FAAH: variants seen among roughly 807,000 people sequenced by gnomAD.
FAAH encodes fatty acid amide hydrolase.
FAAH carries 63 observed loss-of-function variants against 69.7 expected under a neutral mutation model. The ratio of observed to expected loss-of-function variants is 0.90; its 90% CI spans 0.74 to 1.12. FAAH has a LOEUF of 1.12. Ranked by LOEUF, FAAH falls within the 50% of genes most tolerant of loss-of-function variation. The pLI is 0.00. For missense variants in FAAH, 680 were observed against 755.0 expected (o/e 0.90, Z 1.16); for synonymous variants, 305 against 324.2 (o/e 0.94, Z 0.64).
chr1:46,397,932 CTT>C (rs1047486835), intron 1 of FAAH, among the ~76,000 whole-genome samples: 10 of 118,016 alleles, frequency 8.5e-5, no homozygotes, highest in Admixed American at 2.6e-4. Flanking sequence ...GTCTTGAACT[CTT>C]TTTTTTTTTT....
chr1:46,394,588 C>G, intron 1 of FAAH, 45 bp downstream of exon 1: 1 of 1,279,992 alleles, frequency 7.8e-7, no homozygotes, highest in Non-Finnish European at 9.8e-7. Context: ...TGAGGGTACT[C>G]GCAGCGGCAC....
Position 46,413,631 on chromosome 1 carries a change from G to A in FAAH, c.*56G>A, listed in dbSNP as rs1180508143. 4 of 1,612,104 alleles carry A rather than the reference G, an allele frequency of 2.5e-6. No individual in the cohort carries two copies. Among genetic ancestry groups the A allele is most frequent in the Admixed American group, 1.7e-5 (1 of 59,938 alleles). On this transcript the variant is annotated 3_prime_UTR_variant, in exon 15 of 15. Coordinates refer to ENST00000243167, the MANE Select transcript of FAAH (RefSeq NM_001441.3). ...CACTCTCTGCAGCCCAGCCTAGTCA[G>A]GGCACAGCTGCCCTGCTGCCACAGC...
Position 46,405,655 on chromosome 1 carries a change from G to A in FAAH, c.646G>A (p.Gly216Ser). Residue 216 changes from glycine (G) to serine (S), a missense_variant, in exon 5 of 15, where the codon GGC becomes AGC. Physicochemically the swap from Gly to Ser is moderately conservative, Grantham distance 56 (BLOSUM62 0). Coordinates refer to ENST00000243167, the MANE Select transcript of FAAH (RefSeq NM_001441.3). The surrounding 1 kb of genome is among the most constrained non-coding windows in gnomAD (Gnocchi z 4.1). ...NPWKSSKSPG[G>S]SSGGEGALIG... ...ATGGAAGTCCTCCAAAAGCCCAGGG[G>A]GCTCCTCAGGGGGTGAAGGGGCCCT... 6.2e-7 allele frequency: 1 copy of A among 1,613,554 alleles called. No individual in the cohort carries two copies. The highest frequency in any genetic ancestry group is 8.5e-7 in the Non-Finnish European group (1 of 1,180,040).
chr1:46,407,609 G>C (rs6697851), intron 7 of FAAH, among the ~76,000 whole-genome samples: 73,069 of 148,918 alleles, frequency 0.49, 20,035 homozygotes, highest in Middle Eastern at 0.63. Context: ...CTCTCTCTCT[G>C]TCTCTGTGTG....
At position 46,405,366 on chromosome 1, in the gene FAAH, T is replaced by C; in HGVS notation, c.445-6T>C. 1 of 1,609,460 alleles carries C rather than the reference T, an allele frequency of 6.2e-7. No individual in the cohort carries two copies. Among genetic ancestry groups the C allele is most frequent in the Non-Finnish European group, 8.5e-7 (1 of 1,179,972 alleles). ...ACTCCCTTCTGGTGCCCATCCCTCC[T>C]CCCAGGGCCAGGACTCCACGCTGGG... On this transcript the variant is annotated splice_region_variant and splice_polypyrimidine_tract_variant and intron_variant, in intron 3 of 14. Coordinates refer to ENST00000243167, the MANE Select transcript of FAAH (RefSeq NM_001441.3). This position sits in a 1 kb window ranked among gnomAD's most constrained non-coding sequence, Gnocchi z 4.1.
chr1:46,406,586 T>TC (rs1293713247), intron 7 of FAAH, among the ~76,000 whole-genome samples: 5 of 143,090 alleles, frequency 3.5e-5, no homozygotes, highest in African/African-American at 1.3e-4. Context: ...TTTCTTTCTT[T>TC]TTTTTTTTTT....
At position 46,409,042 on chromosome 1, in the gene FAAH, A is replaced by G. The variant is rs1664851621; in HGVS notation, c.1078-59A>G. 31 of 1,415,824 alleles carry G rather than the reference A, an allele frequency of 2.2e-5. No homozygotes were observed. In the Middle Eastern group the frequency reaches 7.0e-4, roughly 32 times the overall value. 87.7% of individuals were successfully genotyped at this position (1,415,824 alleles called of 1,614,324 possible). A position where few individuals can be genotyped will look rare whatever the true frequency, so the allele number is the denominator to read the frequency against. ...CCATCCTCAGGGCCGCCCAGACAGC[A>G]TGGGGATCATGAAGCCAGTTGTTAG... On this transcript the variant is annotated intron_variant, in intron 8 of 14. Transcript: ENST00000243167.
intron 1 of FAAH, among the ~76,000 whole-genome samples, chr1:46,397,530 G>C (rs12044513): frequency 0.011 from 1,664 of 151,982 alleles, 35 homozygotes; most frequent in African/African-American, 0.038. Flanking sequence ...TAGGCTTTGC[G>C]GGGGAGTAGG....
At position 46,406,266 on chromosome 1, in the gene FAAH, G is replaced by T; in HGVS notation, c.849G>T (p.Met283Ile). The change falls in exon 7 of 15, where the codon ATG (methionine) becomes ATT (isoleucine). Residue 283 changes from methionine (M) to isoleucine (I), a missense_variant. By Grantham distance (10) the Met-to-Ile change is conservative. Coordinates refer to ENST00000243167, the MANE Select transcript of FAAH (RefSeq NM_001441.3). ...QEAVRLSVGP[M>I]ARDVESLALC... ...CAGTGCGTCTCTCCGTGGGCCCCAT[G>T]GCCCGGGACGTGGAGAGCCTGGCAC... 1 of 1,614,032 alleles carries T rather than the reference G, an allele frequency of 6.2e-7. No individual in the cohort carries two copies. The highest frequency in any genetic ancestry group is 8.5e-7 in the Non-Finnish European group (1 of 1,180,026).
chr1:46,407,843 T>C (rs1307477869), intron 7 of FAAH, among the ~76,000 whole-genome samples: 1 of 152,202 alleles, frequency 6.6e-6, no homozygotes, highest in African/African-American at 2.4e-5. Context: ...TTGTCTATCT[T>C]GTACAGACCT....
Position 46,402,118 on chromosome 1 carries a change from C to T in FAAH, c.223C>T (p.Leu75=). The T allele has an allele frequency of 6.2e-7, 1 of 1,609,794 alleles. No individual in the cohort carries two copies. Among genetic ancestry groups the T allele is most frequent in the East Asian group, 2.2e-5 (1 of 44,754 alleles). ...CCCAGACCTGGACTCAGAGGCGCTG[C>T]TAGCCCTGCCCCTGCCTCAGCTGGT... The part of the protein sequence containing the change: ...QNPDLDSEAL[L]ALPLPQLVQK... Residue 75 remains leucine, a synonymous_variant, in exon 2 of 15, where the codon CTA becomes TTA. Transcript: ENST00000243167.
At position 46,412,256 on chromosome 1, in the gene FAAH, G is replaced by A. The variant is rs1191089584; in HGVS notation, c.1465+5G>A. The A allele has an allele frequency of 1.9e-6, 3 of 1,548,962 alleles. No homozygotes were observed. The highest frequency in any genetic ancestry group is 1.7e-6 in the Non-Finnish European group (2 of 1,144,722). On this transcript the variant is annotated splice_donor_5th_base_variant and intron_variant, in intron 13 of 14. Transcript: ENST00000243167. Reference sequence around the variant, plus strand: ...ATGCCCCAGGCAGGGCCACAGGTGAGGCCCGACACCCTGCCTGTCCCTTCT... The same window carrying A: ...ATGCCCCAGGCAGGGCCACAGGTGAAGCCCGACACCCTGCCTGTCCCTTCT...
intron 14 of FAAH, 62 bp downstream of exon 14, chr1:46,413,282 GGA>G: frequency 3.1e-6 from 5 of 1,612,906 alleles, no homozygotes; most frequent in Non-Finnish European, 4.2e-6. Context: ...CCGCTGTGGA[GGA>G]AACAGTACCA....
In FAAH at chr1:46,409,201, G is replaced by T; in HGVS notation, c.1175+3G>T. ...GGCCACACCTTCCTACAGAACTTGTGAGTGATAGTGGGCTTTGGGGTCTTG... is the reference window on the plus strand; with the variant it reads ...GGCCACACCTTCCTACAGAACTTGTTAGTGATAGTGGGCTTTGGGGTCTTG... On this transcript the variant is annotated splice_donor_region_variant and intron_variant, in intron 9 of 14. Transcript: ENST00000243167. 8.1e-6 allele frequency: 13 copies of T among 1,611,810 alleles called. No homozygotes were observed. Among genetic ancestry groups the T allele is most frequent in the Non-Finnish European group, 1.1e-5 (13 of 1,177,936 alleles).
At position 46,405,869 on chromosome 1, in the gene FAAH, A is replaced by G. The variant is rs1664784820; in HGVS notation, c.785+75A>G. 1.2e-6 allele frequency: 2 copies of G among 1,606,122 alleles called. No homozygotes were observed. Among genetic ancestry groups the G allele is most frequent in the Non-Finnish European group, 1.7e-6 (2 of 1,176,706 alleles). On this transcript the variant is annotated intron_variant, in intron 5 of 14. Transcript: ENST00000243167. This position sits in a 1 kb window ranked among gnomAD's most constrained non-coding sequence, Gnocchi z 4.1. ...CTAGCTTCCAACCTCTCTGGGCTCC[A>G]GGCGGGGATTCGGTCTCCGGGGTTT... is the stretch of plus-strand genomic sequence containing the variant.
rs1160073490 is a variant in FAAH, at chr1:46,411,180, C to G, written c.1316+326C>G. Among the ~76,000 whole-genome samples, 1 of 152,214 alleles carries G rather than the reference C, an allele frequency of 6.6e-6. No homozygotes were observed. The highest frequency in any genetic ancestry group is 1.5e-5 in the Non-Finnish European group (1 of 68,038). On this transcript the variant is annotated intron_variant, in intron 11 of 14. Coordinates refer to ENST00000243167, the MANE Select transcript of FAAH (RefSeq NM_001441.3). The surrounding 1 kb of genome is among the most constrained non-coding windows in gnomAD (Gnocchi z 4.8). Reference sequence around the variant, plus strand: ...AAGGGTGGGGCACCCGGGAGAGATGCCACTGTTAGAGATCTGAGCTGACCT... The same window carrying G: ...AAGGGTGGGGCACCCGGGAGAGATGGCACTGTTAGAGATCTGAGCTGACCT...
chr1:46,398,426 C>T (rs904744094), intron 1 of FAAH, among the ~76,000 whole-genome samples: 2 of 152,168 alleles, frequency 1.3e-5, no homozygotes, highest in Non-Finnish European at 2.9e-5. Context: ...CCCTGAATCA[C>T]AAGGGGGCAC....
At chr1:46,412,747 G>C (rs1282456706) in intron 13 of FAAH, among the ~76,000 whole-genome samples, 5 of 152,160 alleles carry the variant, frequency 3.3e-5, no homozygotes, top group African/African-American at 1.2e-4. Flanking sequence ...GGAGGTCAAG[G>C]CTGCAGTGAG....
In FAAH at chr1:46,394,345, G is replaced by C. The variant is rs1416756289; in HGVS notation, c.-4G>C. ...GCGGTAGGCAGCAGCAGGCTGAAGG[G>C]ATCATGGTGCAGTACGAGCTGTGGG... On this transcript the variant is annotated 5_prime_UTR_variant, in exon 1 of 15. Transcript: ENST00000243167. The C allele has an allele frequency of 6.4e-7, 1 of 1,561,202 alleles. No individual in the cohort carries two copies. Among genetic ancestry groups the C allele is most frequent in the South Asian group, 1.2e-5 (1 of 85,038 alleles).
Sources: gnomAD v4.1 joint callset for allele counts (sites outside exome capture counted in the v4.1 genomes callset) on GRCh38, gnomAD v4.1.1 for gene constraint, Gnocchi (gnomAD v3.1) non-coding constraint, MANE v1.5 for transcripts, NCBI Gene and HGNC (gene_info 2026-07-23, HGNC 2026-07-21) for gene names.